Variants in JPH3 observed in about 807,000 individuals in gnomAD.
JPH3 encodes the protein junctophilin-3.
A neutral mutation model predicts 59.6 loss-of-function variants in JPH3; 11 were observed. The observed-to-expected ratio is 0.18, with a 90% CI of 0.12 to 0.31. JPH3 has a LOEUF of 0.31. JPH3 is among the 10% of genes least tolerant of loss of function. The pLI is 1.00. For synonymous variants in JPH3, 673 were observed against 483.6 expected (o/e 1.39, Z -5.14); for missense variants, 1,202 against 1,105.7 (o/e 1.09, Z -1.24).
intron 2 of JPH3, among the ~76,000 whole-genome samples, chr16:87,650,832 G>T (rs2032304372): frequency 6.6e-6 from 1 of 152,212 alleles, no homozygotes; most frequent in African/African-American, 2.4e-5. Context: ...AAGGAAAGAA[G>T]CCGCTTCCAG....
intron 2 of JPH3, among the ~76,000 whole-genome samples, chr16:87,671,953 G>A (rs535484850): frequency 1.3e-5 from 2 of 152,370 alleles, no homozygotes; most frequent in East Asian, 3.9e-4. Flanking sequence ...ACCTTCGTCT[G>A]TGGGGGGTGG....
chr16:87,674,856 G>A (rs1329012990), intron 2 of JPH3, among the ~76,000 whole-genome samples: 1 of 152,144 alleles, frequency 6.6e-6, no homozygotes, highest in Non-Finnish European at 1.5e-5. Flanking sequence ...TGCCTCTTGG[G>A]TTCAAGCCAT....
At chr16:87,664,535 G>C (rs1351049421) in intron 2 of JPH3, among the ~76,000 whole-genome samples, 5 of 151,974 alleles carry the variant, frequency 3.3e-5, no homozygotes, top group Non-Finnish European at 7.4e-5. Context: ...TGAGGCAGGA[G>C]AATTGCTTGA....
In JPH3 at chr16:87,689,866, G is replaced by C. The variant is rs1180211002; in HGVS notation, c.1506G>C (p.Ser502=). 1 of 1,500,238 alleles carries C rather than the reference G, an allele frequency of 6.7e-7. No homozygotes were observed. Among genetic ancestry groups the C allele is most frequent in the South Asian group, 1.3e-5 (1 of 77,066 alleles). 92.9% of individuals were successfully genotyped at this position (1,500,238 alleles called of 1,614,324 possible). A position where few individuals can be genotyped will look rare whatever the true frequency, so the allele number is the denominator to read the frequency against. ...PAARNKVAHF[S]RQVSVDEERG... ...CCAGGAACAAGGTCGCCCACTTCTC[G>C]AGGCAGGTGTCGGTGGACGAGGAGC... The change falls in exon 4 of 5, where the codon TCG becomes TCC. Residue 502 remains serine, a synonymous_variant. Transcript: ENST00000284262.
chr16:87,664,562 T>C (rs1292378759), intron 2 of JPH3, among the ~76,000 whole-genome samples: 7 of 151,790 alleles, frequency 4.6e-5, no homozygotes, highest in African/African-American at 7.3e-5. Context: ...GAGGCGGAGG[T>C]TGCAGTGAGC....
At chr16:87,642,247 G>A (rs2031978767) in intron 1 of JPH3, among the ~76,000 whole-genome samples, 2 of 150,554 alleles carry the variant, frequency 1.3e-5, no homozygotes, top group Admixed American at 6.6e-5. Context: ...GCTAGGGAAA[G>A]GGGGGGGGCA....
rs930998016 is a variant in JPH3, at chr16:87,604,334, A to G, written c.382+806A>G. 3.6e-5 allele frequency: 47 copies of G among 1,304,432 alleles called. No homozygotes were observed. The African/African-American group carries it at 8.0e-4, about 22-fold the overall frequency. The allele number at this position is 1,304,432 out of a possible 1,614,324, so 80.8% of individuals were successfully genotyped here. On this transcript the variant is annotated intron_variant, in intron 1 of 4. Coordinates refer to ENST00000284262, the MANE Select transcript of JPH3 (RefSeq NM_020655.4). ...CTGCTGCTGCTGCTGCTGCTGTAAGATGGTTTCTGTGCAGGGAACCTTGGC... is the reference window on the plus strand; with the variant it reads ...CTGCTGCTGCTGCTGCTGCTGTAAGGTGGTTTCTGTGCAGGGAACCTTGGC...
chr16:87,659,684 G>C (rs2032638854), intron 2 of JPH3, among the ~76,000 whole-genome samples: 1 of 151,786 alleles, frequency 6.6e-6, no homozygotes, highest in Non-Finnish European at 1.5e-5. Flanking sequence ...AGTAAGCCGA[G>C]ATAGCACCAC....
Position 87,605,994 on chromosome 16 carries a change from G to A in JPH3, c.382+2466G>A, listed in dbSNP as rs1384694890. 3.3e-5 allele frequency among the ~76,000 whole-genome samples: 5 copies of A among 152,288 alleles called. No individual in the cohort carries two copies. The South Asian group carries it at 6.2e-4, about 19-fold the overall frequency. On this transcript the variant is annotated intron_variant, in intron 1 of 4. Transcript: ENST00000284262. ...TTGACCCTTCTGGTCTTGAGGACTC[G>A]GGCCTGGACATCTGGGCCACTTTTC...
intron 1 of JPH3, among the ~76,000 whole-genome samples, chr16:87,606,641 A>G (rs2030532152): frequency 6.6e-6 from 1 of 152,198 alleles, no homozygotes. Context: ...GTTGATAACA[A>G]TACCTGTAAG....
At position 87,618,741 on chromosome 16, in the gene JPH3, C is replaced by G. The variant is rs572498846; in HGVS notation, c.382+15213C>G. Among the ~76,000 whole-genome samples, 39 of 152,244 alleles carry G rather than the reference C, an allele frequency of 2.6e-4. No individual in the cohort carries two copies. In the South Asian group the frequency reaches 6.4e-3, roughly 25 times the overall value. ...CTGAGTCTCTCTAGGTGCTTGTCGG[C>G]CCATTGGTACATCTTTGGAGCAATG... On this transcript the variant is annotated intron_variant, in intron 1 of 4. Coordinates refer to ENST00000284262, the MANE Select transcript of JPH3 (RefSeq NM_020655.4).
intron 2 of JPH3, among the ~76,000 whole-genome samples, chr16:87,670,047 G>A (rs977808497): frequency 6.6e-6 from 1 of 152,168 alleles, no homozygotes; most frequent in Non-Finnish European, 1.5e-5. Flanking sequence ...CACAGGTAGG[G>A]ACACAGGCGT....
intron 1 of JPH3, among the ~76,000 whole-genome samples, chr16:87,629,324 G>C (rs896629935): frequency 6.6e-6 from 1 of 152,034 alleles, no homozygotes; most frequent in African/African-American, 2.4e-5. Context: ...TGATGCAGGA[G>C]TTTTAGTAAA....
At chr16:87,692,296 T>C (rs2033611849) in intron 4 of JPH3, among the ~76,000 whole-genome samples, 1 of 151,726 alleles carries the variant, frequency 6.6e-6, no homozygotes, top group Non-Finnish European at 1.5e-5. Flanking sequence ...GCGCGGTCAA[T>C]CCTAAGCACT....
intron 1 of JPH3, among the ~76,000 whole-genome samples, chr16:87,634,404 T>TGG (rs1400855970): frequency 2.0e-5 from 3 of 152,102 alleles, no homozygotes; most frequent in Non-Finnish European, 4.4e-5. Context: ...GAGCCGGGAA[T>TGG]GGGGAGGCCA....
At position 87,696,711 on chromosome 16, in the gene JPH3, A is replaced by C. The variant is rs2033875615; in HGVS notation, c.*51A>C. Reference sequence around the variant, plus strand: ...AGAAAGGGTAGAAAAAAGGGACATTAAAATTAAAAGCAAAACCACAAGAAG... The same window carrying C: ...AGAAAGGGTAGAAAAAAGGGACATTCAAATTAAAAGCAAAACCACAAGAAG... On this transcript the variant is annotated 3_prime_UTR_variant, in exon 5 of 5. Coordinates refer to ENST00000284262, the MANE Select transcript of JPH3 (RefSeq NM_020655.4). 1.3e-6 allele frequency: 2 copies of C among 1,485,894 alleles called. No individual in the cohort carries two copies. The highest frequency in any genetic ancestry group is 2.8e-5 in the African/African-American group (2 of 72,348). 92.0% of individuals were successfully genotyped at this position (1,485,894 alleles called of 1,614,324 possible).
At chr16:87,656,410 C>A (rs966162692) in intron 2 of JPH3, among the ~76,000 whole-genome samples, 1 of 152,160 alleles carries the variant, frequency 6.6e-6, no homozygotes, top group Non-Finnish European at 1.5e-5. Flanking sequence ...GGGGGACTTA[C>A]AGAGGGGGCT....
rs915909306 is a variant in JPH3 at position 87,632,509 on chromosome 16, C to T, written c.383-11749C>T. On this transcript the variant is annotated intron_variant, in intron 1 of 4. Transcript: ENST00000284262. ...CCACCCAGGCTGGAGTGCAGTGGCA[C>T]GATCACCGCAGCCTCAATCTCCTGG... is the stretch of plus-strand genomic sequence containing the variant. 5.9e-5 allele frequency among the ~76,000 whole-genome samples: 9 copies of T among 152,172 alleles called. No homozygotes were observed. In the East Asian group the frequency reaches 1.5e-3, roughly 26 times the overall value.
At chr16:87,633,140 A>T (rs1286697401) in intron 1 of JPH3, among the ~76,000 whole-genome samples, 1 of 152,082 alleles carries the variant, frequency 6.6e-6, no homozygotes, top group African/African-American at 2.4e-5. Context: ...GGCTTAAACC[A>T]CAGTTTATTT....
Sources: gnomAD v4.1 joint callset for allele counts (sites outside exome capture counted in the v4.1 genomes callset) on GRCh38, gnomAD v4.1.1 for gene constraint, MANE v1.5 for transcripts, NCBI Gene and HGNC (gene_info 2026-07-23, HGNC 2026-07-21) for gene names.